The following DACH2 variants were observed in gnomAD, a reference collection of about 807,000 sequenced individuals.
DACH2 encodes dachshund homolog 2.
A neutral mutation model predicts 35.8 loss-of-function variants in DACH2; 17 were observed. The observed-to-expected ratio is 0.48, with a 90% CI of 0.33 to 0.71. The LOEUF is 0.71. Among genes scored for constraint, DACH2 ranks in the 30% least tolerant of loss-of-function variants. The probability of loss-of-function intolerance (pLI) is 0.02; values close to 1 mark genes in which losing one functional copy is unlikely to be tolerated. For synonymous variants in DACH2, 195 were observed against 177.3 expected (o/e 1.10, Z -0.79); for missense variants, 469 against 472.7 (o/e 0.99, Z 0.07).
intron 7 of DACH2, among the ~76,000 whole-genome samples, chrX:86,796,237 A>C (rs986338988): frequency 9.0e-6 from 1 of 111,110 alleles, no homozygotes; most frequent in Non-Finnish European, 1.9e-5. Context: ...CAGAGTGCTG[A>C]TTGGTGCGTT....
intron 2 of DACH2, among the ~76,000 whole-genome samples, chrX:86,445,825 A>G (rs750816396): frequency 9.0e-6 from 1 of 111,046 alleles, no homozygotes; most frequent in South Asian, 3.8e-4. Context: ...AGAAGGTTGT[A>G]TATTCTGCAG....
At chrX:86,596,021 C>A (rs1400619813) in intron 3 of DACH2, among the ~76,000 whole-genome samples, 1 of 111,131 alleles carries the variant, frequency 9.0e-6, no homozygotes, top group Non-Finnish European at 1.9e-5. Flanking sequence ...AATATATGGC[C>A]TTCTGTACTT....
chrX:86,584,518 T>G (rs1426599575), intron 3 of DACH2, among the ~76,000 whole-genome samples: 1 of 111,054 alleles, frequency 9.0e-6, no homozygotes, highest in Non-Finnish European at 1.9e-5. Flanking sequence ...TTCTCTTCTT[T>G]TTGTAGATTC....
chrX:86,238,439 C>T (rs1392915129), intron 1 of DACH2, among the ~76,000 whole-genome samples: 3 of 111,998 alleles, frequency 2.7e-5, no homozygotes, highest in African/African-American at 9.7e-5. Context: ...TAATGAAGTC[C>T]TTTGTAGCAA....
intron 1 of DACH2, among the ~76,000 whole-genome samples, chrX:86,364,633 G>A (rs1255784953): frequency 6.3e-5 from 7 of 111,572 alleles, no homozygotes; most frequent in African/African-American, 1.3e-4. Flanking sequence ...CCCATGCTAC[G>A]GAGTATTCAA....
chrX:86,522,616 T>C (rs1342921648), intron 3 of DACH2, among the ~76,000 whole-genome samples: 11 of 89,944 alleles, frequency 1.2e-4, no homozygotes. Flanking sequence ...TTTTCCCAGA[T>C]TCCACCTAGC....
At chrX:86,527,511 G>T (rs1569428961) in intron 3 of DACH2, among the ~76,000 whole-genome samples, 1 of 112,227 alleles carries the variant, frequency 8.9e-6, no homozygotes, top group Non-Finnish European at 1.9e-5. Context: ...CCAAATTGTT[G>T]TGTATAACAA....
chrX:86,703,596 C>A (rs1353788505), intron 5 of DACH2, among the ~76,000 whole-genome samples: 1 of 111,509 alleles, frequency 9.0e-6, no homozygotes, highest in East Asian at 2.8e-4. Context: ...AATCAACATA[C>A]AAAAAAATTG....
At chrX:86,453,654 T>C (rs2037423056) in intron 2 of DACH2, among the ~76,000 whole-genome samples, 1 of 111,771 alleles carries the variant, frequency 8.9e-6, no homozygotes, top group Admixed American at 9.6e-5. Context: ...TTTTCTGTTT[T>C]TCATTTGCTT....
intron 5 of DACH2, among the ~76,000 whole-genome samples, chrX:86,703,478 A>T (rs1325256387): frequency 9.0e-6 from 1 of 111,345 alleles, no homozygotes; most frequent in Non-Finnish European, 1.9e-5. Flanking sequence ...AGGACGTTAA[A>T]ATATCTCTCT....
intron 1 of DACH2, among the ~76,000 whole-genome samples, chrX:86,178,269 C>G (rs974794392): frequency 2.7e-5 from 3 of 111,420 alleles, no homozygotes; most frequent in Non-Finnish European, 5.7e-5. Flanking sequence ...TCTCATGGTG[C>G]GTGGTTGATC....
At chrX:86,806,921 G>C (rs2042350118) in intron 7 of DACH2, among the ~76,000 whole-genome samples, 1 of 111,660 alleles carries the variant, frequency 9.0e-6, no homozygotes, top group African/African-American at 3.3e-5. Flanking sequence ...GTGGTGATCG[G>C]GGGTGAAGGG....
chrX:86,523,363 T>C (rs959297937), intron 3 of DACH2, among the ~76,000 whole-genome samples: 1 of 111,512 alleles, frequency 9.0e-6, no homozygotes, highest in African/African-American at 3.3e-5. Context: ...CTCACTTAGA[T>C]TGGATGCTAA....
intron 1 of DACH2, among the ~76,000 whole-genome samples, chrX:86,356,770 A>T (rs2035650195): frequency 9.0e-6 from 1 of 111,698 alleles, no homozygotes; most frequent in Admixed American, 9.5e-5. Flanking sequence ...TGAGTTGAAA[A>T]TATTTTTTCA....
intron 3 of DACH2, among the ~76,000 whole-genome samples, chrX:86,597,932 T>G (rs1287159680): frequency 2.7e-5 from 3 of 111,819 alleles, no homozygotes; most frequent in African/African-American, 9.8e-5. Flanking sequence ...GGTAATGGAC[T>G]TACAGTCCCA....
Position 86,786,490 on chromosome X carries a change from A to C in DACH2, c.1241-26366A>C, listed in dbSNP as rs2042139190. On this transcript the variant is annotated intron_variant, in intron 7 of 11. Transcript: ENST00000373125. ...GCCAAACTATTACTCTAAATGATGA[A>C]TAAGAAAGTGGATAGAAGCAGCATG... Among the ~76,000 whole-genome samples the C allele has an allele frequency of 4.5e-5, 5 of 112,102 alleles. No individual in the cohort carries two copies. In the Admixed American group the frequency reaches 4.7e-4, roughly 11 times the overall value.
intron 1 of DACH2, among the ~76,000 whole-genome samples, chrX:86,158,290 G>GT (rs1216779273): frequency 8.2e-5 from 9 of 110,265 alleles, no homozygotes; most frequent in Middle Eastern, 4.7e-3. Flanking sequence ...GTGAGTATGG[G>GT]TTTTTTTTGT....
intron 2 of DACH2, among the ~76,000 whole-genome samples, chrX:86,401,389 C>T (rs1039432744): frequency 8.9e-6 from 1 of 112,109 alleles, no homozygotes; most frequent in Non-Finnish European, 1.9e-5. Context: ...CACTGTCCTG[C>T]ACCCACTGTC....
At chrX:86,710,140 A>T (rs2041262335) in intron 5 of DACH2, among the ~76,000 whole-genome samples, 1 of 112,578 alleles carries the variant, frequency 8.9e-6, no homozygotes, top group African/African-American at 3.2e-5. Context: ...ATGAATGCAT[A>T]AAACAACTGT....
Sources: allele counts gnomAD v4.1 joint callset (sites outside exome capture counted in the v4.1 genomes callset), GRCh38; gene constraint gnomAD v4.1.1; transcripts MANE v1.5; gene names NCBI Gene and HGNC (gene_info 2026-07-23, HGNC 2026-07-21).